The following NREP variants were observed in gnomAD, a reference collection of about 807,000 sequenced individuals.
The protein encoded by NREP is neuronal regeneration-related protein.
NREP carries 5 observed loss-of-function variants against 8.6 expected under a neutral mutation model. The observed-to-expected ratio is 0.58, with a 90% CI of 0.30 to 1.22. The LOEUF is 1.22. Ranked by LOEUF, NREP falls within the 50% of genes most tolerant of loss-of-function variation. The probability of loss-of-function intolerance (pLI) is 0.07; values close to 1 mark genes in which losing one functional copy is unlikely to be tolerated. For missense variants in NREP, 86 were observed against 82.5 expected (o/e 1.04, Z -0.17); for synonymous variants, 27 against 28.0 (o/e 0.96, Z 0.11).
chr5:111,818,738 ACC>A, intron 2 of NREP, among the ~76,000 whole-genome samples: 1 of 152,262 alleles, frequency 6.6e-6, no homozygotes, highest in South Asian at 2.1e-4. Flanking sequence ...AATGTAGTGT[ACC>A]ATTGTTTGAC....
intron 2 of NREP, among the ~76,000 whole-genome samples, chr5:111,890,744 G>A (rs1020439301): frequency 3.3e-5 from 5 of 152,202 alleles, no homozygotes; most frequent in African/African-American, 1.2e-4. Flanking sequence ...GGCTGGAGAC[G>A]GACTGGCTGG....
At chr5:111,804,054 G>C (rs888339579) in intron 2 of NREP, among the ~76,000 whole-genome samples, 3 of 152,102 alleles carry the variant, frequency 2.0e-5, no homozygotes, top group African/African-American at 7.2e-5. Context: ...ACTCTTTCTG[G>C]AGTGGTCAGG....
chr5:111,884,254 C>A (rs1231947889), intron 2 of NREP, among the ~76,000 whole-genome samples: 1 of 151,496 alleles, frequency 6.6e-6, no homozygotes, highest in Non-Finnish European at 1.5e-5. Flanking sequence ...GACACATACA[C>A]TCTCCCAAGA....
At chr5:111,769,969 G>C (rs768151610) in intron 2 of NREP, among the ~76,000 whole-genome samples, 8 of 152,186 alleles carry the variant, frequency 5.3e-5, no homozygotes, top group Non-Finnish European at 7.3e-5. Context: ...CAGAAAGTAA[G>C]TGCAAAGGTA....
chr5:111,938,263 T>C (rs1021766117), intron 2 of NREP, among the ~76,000 whole-genome samples: 4 of 152,088 alleles, frequency 2.6e-5, no homozygotes, highest in Non-Finnish European at 4.4e-5. Flanking sequence ...GGCTGATTCT[T>C]ACTTTCCTTT....
At position 111,931,427 on chromosome 5, in the gene NREP, T is replaced by C. The variant is rs988585; in HGVS notation, c.135+43847A>G. On this transcript the variant is annotated intron_variant, in intron 2 of 3. Transcript: ENST00000395634. ...ACAACCTAAGGCGAGGCCCACATGGTGTGGAGTTTAGTTGGTCACCTGCCA... is the reference window on the plus strand; with the variant it reads ...ACAACCTAAGGCGAGGCCCACATGGCGTGGAGTTTAGTTGGTCACCTGCCA... Among the ~76,000 whole-genome samples, 782 of 152,178 alleles carry C rather than the reference T, an allele frequency of 5.1e-3. 11 individuals are homozygous for C. The highest frequency in any genetic ancestry group is 0.018 in the African/African-American group (762 of 41,524).
chr5:111,942,355 T>C (rs962246299), intron 2 of NREP, among the ~76,000 whole-genome samples: 16 of 152,062 alleles, frequency 1.1e-4, no homozygotes, highest in Non-Finnish European at 5.9e-5. Flanking sequence ...AAAGTGAAAG[T>C]CATGGTCACA....
intron 2 of NREP, among the ~76,000 whole-genome samples, chr5:111,912,991 G>A (rs1018890500): frequency 6.6e-6 from 1 of 152,046 alleles, no homozygotes; most frequent in Admixed American, 6.6e-5. Context: ...TTGATTTTGA[G>A]TCACTTATTT....
intron 2 of NREP, among the ~76,000 whole-genome samples, chr5:111,763,506 C>T (rs919383393): frequency 2.0e-5 from 3 of 152,160 alleles, no homozygotes; most frequent in Admixed American, 6.5e-5. Flanking sequence ...AGTTTGTCCT[C>T]CTGGAGGTGA....
intron 2 of NREP, among the ~76,000 whole-genome samples, chr5:111,884,198 C>G (rs1393965040): frequency 1.3e-5 from 2 of 151,508 alleles, no homozygotes; most frequent in African/African-American, 2.4e-5. Context: ...ACAAACACCT[C>G]TACGCAAATA....
At chr5:111,866,715 A>C (rs1410251076) in intron 2 of NREP, among the ~76,000 whole-genome samples, 1 of 152,164 alleles carries the variant, frequency 6.6e-6, no homozygotes, top group South Asian at 2.1e-4. Context: ...TTGCGGCACT[A>C]TTCACAATAG....
At chr5:111,873,558 C>A (rs1405973654) in intron 2 of NREP, among the ~76,000 whole-genome samples, 2 of 152,148 alleles carry the variant, frequency 1.3e-5, no homozygotes, top group East Asian at 3.9e-4. Context: ...ACCTGCATTC[C>A]TTGGCTCCTG....
chr5:111,802,427 G>A (rs186313008), intron 2 of NREP, among the ~76,000 whole-genome samples: 1 of 152,294 alleles, frequency 6.6e-6, no homozygotes, highest in East Asian at 1.9e-4. Context: ...GGGGAGCACA[G>A]AATATTTCTA....
At chr5:111,847,266 C>T (rs1050620201) in intron 2 of NREP, among the ~76,000 whole-genome samples, 1 of 152,088 alleles carries the variant, frequency 6.6e-6, no homozygotes, top group Non-Finnish European at 1.5e-5. Flanking sequence ...TGTGAGGGTC[C>T]TCTTCCTGTT....
intron 2 of NREP, among the ~76,000 whole-genome samples, chr5:111,844,234 C>T (rs937132428): frequency 1.3e-5 from 2 of 151,938 alleles, no homozygotes; most frequent in African/African-American, 2.4e-5. Flanking sequence ...CACTGTTTTA[C>T]TTTTTTAAAT....
chr5:111,819,638 C>T (rs944173773), intron 2 of NREP, among the ~76,000 whole-genome samples: 33 of 152,142 alleles, frequency 2.2e-4, no homozygotes, highest in African/African-American at 8.0e-4. Context: ...TTCCTGCAAG[C>T]CTCTGGTCAT....
chr5:111,911,286 T>C (rs2112563121), intron 2 of NREP, among the ~76,000 whole-genome samples: 1 of 152,246 alleles, frequency 6.6e-6, no homozygotes, highest in South Asian at 2.1e-4. Context: ...TGACACATAG[T>C]AGCTACTCAG....
chr5:111,808,109 ATCT>A (rs1457132124), intron 2 of NREP, among the ~76,000 whole-genome samples: 6 of 152,130 alleles, frequency 3.9e-5, no homozygotes, highest in Admixed American at 2.6e-4. Context: ...TGGTGCAATA[ATCT>A]TCTTTCATTT....
chr5:111,757,493 G>C (rs1750801228), upstream of NREP: 1 of 984,724 alleles, frequency 1.0e-6, no homozygotes, highest in South Asian at 4.7e-5. Flanking sequence ...AATTCTGATG[G>C]AGCTGGCGCG....
Sources: allele counts gnomAD v4.1 joint callset (sites outside exome capture counted in the v4.1 genomes callset), GRCh38; gene constraint gnomAD v4.1.1; transcripts MANE v1.5; gene names NCBI Gene and HGNC (gene_info 2026-07-23, HGNC 2026-07-21).